The following PTPRG variants were observed in gnomAD, a reference collection of about 807,000 sequenced individuals.
The protein encoded by PTPRG is receptor-type tyrosine-protein phosphatase gamma.
A neutral mutation model predicts 165.3 loss-of-function variants in PTPRG; 102 were observed. That is an observed-to-expected ratio of 0.62 (90% CI 0.53 to 0.73). PTPRG has a LOEUF of 0.73. PTPRG is among the 30% of genes least tolerant of loss of function. The pLI, the probability that PTPRG is intolerant of heterozygous loss-of-function variation, is 0.00. For synonymous variants in PTPRG, 675 were observed against 669.5 expected (o/e 1.01, Z -0.13); for missense variants, 1,866 against 1,861.4 (o/e 1.00, Z -0.05).
At chr3:62,234,936 T>TC (rs200978366) in intron 14 of PTPRG, among the ~76,000 whole-genome samples, 17,005 of 146,068 alleles carry the variant, frequency 0.12, 1,075 homozygotes, top group African/African-American at 0.13. Flanking sequence ...TGAATCTACT[T>TC]CCCCCCCCCG....
At chr3:61,647,589 G>C (rs1285994093) in intron 1 of PTPRG, among the ~76,000 whole-genome samples, 2 of 152,038 alleles carry the variant, frequency 1.3e-5, no homozygotes, top group Non-Finnish European at 1.5e-5. Flanking sequence ...AGGAGATCGA[G>C]ACCATCCTGG....
intron 1 of PTPRG, among the ~76,000 whole-genome samples, chr3:61,594,027 A>G (rs1700636769): frequency 6.6e-6 from 1 of 152,192 alleles, no homozygotes; most frequent in Non-Finnish European, 1.5e-5. Flanking sequence ...GTGGCTCGTA[A>G]TGAATGTGTA....
chr3:61,982,989 A>G (rs978864907), intron 2 of PTPRG, among the ~76,000 whole-genome samples: 1 of 152,216 alleles, frequency 6.6e-6, no homozygotes, highest in African/African-American at 2.4e-5. Flanking sequence ...TTTACACCTT[A>G]AATTTAAAAC....
intron 2 of PTPRG, among the ~76,000 whole-genome samples, chr3:61,978,765 A>G (rs528409865): frequency 4.6e-5 from 7 of 152,292 alleles, no homozygotes; most frequent in African/African-American, 9.6e-5. Context: ...AAACTACTCA[A>G]ATCTGATCTT....
rs1016682060 is a variant in PTPRG at position 62,091,776 on chromosome 3, C to G, written c.615+13518C>G. Among the ~76,000 whole-genome samples the G allele has an allele frequency of 8.6e-5, 13 of 151,944 alleles. 1 individual carries two copies. Reference sequence around the variant, plus strand: ...TGTTCTGGCAATTTATTTCATTAGTCCCAGTGTTTGCCGTGGAGGGGAGGT... The same window carrying G: ...TGTTCTGGCAATTTATTTCATTAGTGCCAGTGTTTGCCGTGGAGGGGAGGT... On this transcript the variant is annotated intron_variant, in intron 5 of 29. Coordinates refer to ENST00000474889, the MANE Select transcript of PTPRG (RefSeq NM_002841.4).
chr3:62,279,981 C>T (rs940516123), intron 26 of PTPRG, among the ~76,000 whole-genome samples: 1 of 151,994 alleles, frequency 6.6e-6, no homozygotes, highest in Non-Finnish European at 1.5e-5. Context: ...ATATTTCTCA[C>T]AGTCTCCAAC....
At chr3:62,090,911 C>T (rs1701905877) in intron 5 of PTPRG, among the ~76,000 whole-genome samples, 1 of 152,174 alleles carries the variant, frequency 6.6e-6, no homozygotes, top group Non-Finnish European at 1.5e-5. Context: ...TTGGACAAAT[C>T]TATTCAATCC....
chr3:62,160,204 C>A (rs759735762), intron 7 of PTPRG, among the ~76,000 whole-genome samples: 2 of 152,196 alleles, frequency 1.3e-5, no homozygotes, highest in African/African-American at 2.4e-5. Context: ...TAACGGTTAG[C>A]ACAAAGTGTT....
At chr3:62,121,700 C>T (rs1322630299) in intron 5 of PTPRG, among the ~76,000 whole-genome samples, 1 of 152,220 alleles carries the variant, frequency 6.6e-6, no homozygotes, top group African/African-American at 2.4e-5. Flanking sequence ...CCACCCTCTC[C>T]CCTACTGGGA....
At chr3:61,949,678 C>A (rs922410851) in intron 2 of PTPRG, among the ~76,000 whole-genome samples, 134 of 151,744 alleles carry the variant, frequency 8.8e-4, no homozygotes, top group African/African-American at 3.1e-3. Flanking sequence ...ATTTTTTCCC[C>A]TTCCTAAGCC....
At chr3:61,862,719 A>G (rs1029665361) in intron 2 of PTPRG, among the ~76,000 whole-genome samples, 1 of 152,168 alleles carries the variant, frequency 6.6e-6, no homozygotes, top group Non-Finnish European at 1.5e-5. Flanking sequence ...CTTAAAGAGT[A>G]GCTGCATACA....
chr3:61,957,775 A>G (rs974070363), intron 2 of PTPRG, among the ~76,000 whole-genome samples: 2 of 152,336 alleles, frequency 1.3e-5, no homozygotes, highest in African/African-American at 2.4e-5. Context: ...ATGCGATTCC[A>G]TTTTAATTCA....
At chr3:61,917,086 A>G (rs937560879) in intron 2 of PTPRG, among the ~76,000 whole-genome samples, 2 of 151,944 alleles carry the variant, frequency 1.3e-5, no homozygotes, top group African/African-American at 4.8e-5. Flanking sequence ...CTGATGGCAG[A>G]TGCGTTTTGG....
At chr3:61,640,766 C>T in intron 1 of PTPRG, among the ~76,000 whole-genome samples, 1 of 152,290 alleles carries the variant, frequency 6.6e-6, no homozygotes, top group Non-Finnish European at 1.5e-5. Context: ...TAATCAAGAT[C>T]CACTTGCTTT....
At position 61,633,811 on chromosome 3, in the gene PTPRG, A is replaced by G. The variant is rs1293361060; in HGVS notation, c.85+71439A>G. Among the ~76,000 whole-genome samples, 9 of 151,782 alleles carry G rather than the reference A, an allele frequency of 5.9e-5. 1 individual carries two copies. Among genetic ancestry groups the G allele is most frequent in the Non-Finnish European group, 5.9e-5 (4 of 67,976 alleles). ...GAGGAAAAATATATAGTCTTTTACT[A>G]TTGAGTATGATGTTAGCTGTGAGTT... On this transcript the variant is annotated intron_variant, in intron 1 of 29. Coordinates refer to ENST00000474889, the MANE Select transcript of PTPRG (RefSeq NM_002841.4).
intron 1 of PTPRG, among the ~76,000 whole-genome samples, chr3:61,563,096 T>C (rs1699806558): frequency 6.6e-6 from 1 of 151,448 alleles, no homozygotes; most frequent in African/African-American, 2.4e-5. Flanking sequence ...CCTCCGCTGC[T>C]CTGCTCGATT....
intron 1 of PTPRG, among the ~76,000 whole-genome samples, chr3:61,741,710 G>A (rs1328729251): frequency 1.3e-5 from 2 of 152,026 alleles, no homozygotes; most frequent in African/African-American, 2.4e-5. Flanking sequence ...AGGTCAAGTC[G>A]ACATGGCTGG....
intron 1 of PTPRG, among the ~76,000 whole-genome samples, chr3:61,734,921 A>T (rs982018760): frequency 6.6e-6 from 1 of 152,230 alleles, no homozygotes; most frequent in Non-Finnish European, 1.5e-5. Context: ...TTCCAAAGTC[A>T]TGAAACTGCT....
intron 4 of PTPRG, among the ~76,000 whole-genome samples, chr3:62,015,981 T>G (rs1559747611): frequency 6.6e-6 from 1 of 152,148 alleles, no homozygotes; most frequent in Non-Finnish European, 1.5e-5. Flanking sequence ...AGTATTCAAA[T>G]CTTGTGTAAT....
Sources: gnomAD v4.1 joint callset for allele counts (sites outside exome capture counted in the v4.1 genomes callset) on GRCh38, gnomAD v4.1.1 for gene constraint, MANE v1.5 for transcripts, NCBI Gene and HGNC (gene_info 2026-07-23, HGNC 2026-07-21) for gene names.